CHN2: variants seen among roughly 807,000 people sequenced by gnomAD.
The protein encoded by CHN2 is chimerin 2.
Under a neutral mutation model 56.3 loss-of-function variants are expected in CHN2, and 35 were observed. The observed-to-expected ratio is 0.62, with a 90% CI of 0.47 to 0.82. The LOEUF (loss-of-function observed/expected upper bound fraction) is 0.82. Ranked by LOEUF, CHN2 falls within the 40% of genes least tolerant of loss-of-function variation. CHN2 has a pLI of 0.00. For missense variants in CHN2, 491 were observed against 580.5 expected, an observed-to-expected ratio of 0.85 and a Z score of 1.58; for synonymous variants, 210 against 212.8, an observed-to-expected ratio of 0.99 and a Z score of 0.12.
At chr7:29,300,069 C>T (rs1406457149) in intron 1 of CHN2, among the ~76,000 whole-genome samples, 3 of 152,220 alleles carry the variant, frequency 2.0e-5, no homozygotes, top group African/African-American at 7.2e-5. Context: ...ATGTTTTTCC[C>T]TTTGCAGTGG....
chr7:29,259,136 T>G (rs1789327185), intron 1 of CHN2, among the ~76,000 whole-genome samples: 1 of 151,966 alleles, frequency 6.6e-6, no homozygotes, highest in East Asian at 1.9e-4. Flanking sequence ...GAGACCAGCC[T>G]GGGTAACATG....
In CHN2 at chr7:29,512,769, C is replaced by T. The variant is rs1039717336; in HGVS notation, c.*34C>T. 1 of 1,590,446 alleles carries T rather than the reference C, an allele frequency of 6.3e-7. No individual in the cohort carries two copies. Among genetic ancestry groups the T allele is most frequent in the South Asian group, 1.1e-5 (1 of 87,944 alleles). On this transcript the variant is annotated 3_prime_UTR_variant, in exon 13 of 13. Transcript: ENST00000222792. ...GGAAATGAGCTGAATGGCCCCAGCA[C>T]CATCCAAGTTGACACAGCTAAAGGA...
At chr7:29,320,821 T>C (rs1280396098) in intron 1 of CHN2, among the ~76,000 whole-genome samples, 1 of 152,176 alleles carries the variant, frequency 6.6e-6, no homozygotes, top group Non-Finnish European at 1.5e-5. Flanking sequence ...TCCAGTCTTC[T>C]CACATGTTCT....
intron 2 of CHN2, among the ~76,000 whole-genome samples, chr7:29,363,409 C>T (rs189672260): frequency 3.3e-5 from 5 of 152,292 alleles, no homozygotes; most frequent in Admixed American, 2.0e-4. Flanking sequence ...TGCTTGAATC[C>T]AGGAGGTGGA....
chr7:29,240,871 C>T (rs1428049163), intron 1 of CHN2, among the ~76,000 whole-genome samples: 2 of 148,198 alleles, frequency 1.3e-5, no homozygotes, highest in Non-Finnish European at 3.0e-5. Flanking sequence ...CTTTCTTCTT[C>T]CTTCTTCCTT....
intron 7 of CHN2, chr7:29,483,842 A>G (rs1787639848): frequency 3.9e-6 from 5 of 1,288,124 alleles, no homozygotes; most frequent in South Asian, 1.3e-5. Context: ...TTTAGCCCGC[A>G]TAGTACTCCT....
In CHN2 at chr7:29,231,683, C is replaced by A. The variant is rs1266213884; in HGVS notation, c.49+36693C>A. ...ATTTATTTTAGCCTTTTAGATGTTT[C>A]TTTTGGGACCAAATTATAGCTCTGA... is the stretch of plus-strand genomic sequence containing the variant. On this transcript the variant is annotated intron_variant, in intron 1 of 12. Transcript: ENST00000222792. Among the ~76,000 whole-genome samples, 7 of 152,254 alleles carry A rather than the reference C, an allele frequency of 4.6e-5. No homozygotes were observed. In the East Asian group the frequency reaches 1.4e-3, roughly 29 times the overall value.
At chr7:29,327,707 C>G (rs980841558) in intron 1 of CHN2, among the ~76,000 whole-genome samples, 2 of 152,138 alleles carry the variant, frequency 1.3e-5, no homozygotes, top group African/African-American at 4.8e-5. Flanking sequence ...GGTTGTGAAG[C>G]ATCTGGAGCC....
chr7:29,391,507 G>A (rs767832422), intron 3 of CHN2, among the ~76,000 whole-genome samples: 7 of 152,134 alleles, frequency 4.6e-5, no homozygotes, highest in African/African-American at 7.2e-5. Context: ...TATTTGGGAC[G>A]TATTCCATGG....
Position 29,512,761 on chromosome 7 carries a change from C to A in CHN2, c.*26C>A, listed in dbSNP as rs756564330. ...TCCATCAGGGAAATGAGCTGAATGG[C>A]CCCAGCACCATCCAAGTTGACACAG... On this transcript the variant is annotated 3_prime_UTR_variant, in exon 13 of 13. Transcript: ENST00000222792. The A allele has an allele frequency of 9.4e-6, 15 of 1,595,278 alleles. No individual in the cohort carries two copies. Among genetic ancestry groups the A allele is most frequent in the Non-Finnish European group, 1.3e-5 (15 of 1,171,804 alleles).
chr7:29,309,847 C>G (rs1477693066), intron 1 of CHN2, among the ~76,000 whole-genome samples: 1 of 152,162 alleles, frequency 6.6e-6, no homozygotes. Flanking sequence ...GTGGAGACCT[C>G]GCGGGCTCAT....
chr7:29,394,052 C>T (rs1052207286), intron 4 of CHN2, among the ~76,000 whole-genome samples: 4 of 152,082 alleles, frequency 2.6e-5, no homozygotes, highest in Admixed American at 2.0e-4. Flanking sequence ...ACAATAGAAA[C>T]GTTTGGTGTG....
chr7:29,427,464 A>G (rs550069858), intron 6 of CHN2, among the ~76,000 whole-genome samples: 56 of 152,064 alleles, frequency 3.7e-4, no homozygotes, highest in Non-Finnish European at 7.4e-4. Context: ...GAGTAACTTT[A>G]GGTGTCAAAG....
chr7:29,194,265 GC>G, upstream of CHN2: 1 of 151,198 alleles, frequency 6.6e-6, no homozygotes, highest in Non-Finnish European at 1.5e-5. Flanking sequence ...CCCGCGCCCG[GC>G]CCCGGCCTCC....
At position 29,508,829 on chromosome 7, in the gene CHN2, C is replaced by G. The variant is rs559126774; in HGVS notation, c.1130-472C>G. On this transcript the variant is annotated intron_variant, in intron 11 of 12. Transcript: ENST00000222792. ...CATGAGTGCAGGCTGAGTTGGGTGG[C>G]TCATTGCCAATGTCCTTGCCTTGTA... Among the ~76,000 whole-genome samples, 5 of 152,280 alleles carry G rather than the reference C, an allele frequency of 3.3e-5. 1 individual carries two copies. The South Asian group carries it at 1.0e-3, about 32-fold the overall frequency.
chr7:29,437,374 G>A lies in CHN2; in HGVS notation c.576+36546G>A, dbSNP rs1434470878. Among the ~76,000 whole-genome samples, 20 of 136,632 alleles carry A rather than the reference G, an allele frequency of 1.5e-4. 3 individuals are homozygous for A. The highest frequency in any genetic ancestry group is 1.6e-4 in the Non-Finnish European group (10 of 64,294). 89.6% of individuals were successfully genotyped at this position (136,632 alleles called of 152,430 possible). On this transcript the variant is annotated intron_variant, in intron 6 of 12. Transcript: ENST00000222792. Reference sequence around the variant, plus strand: ...AGCACTTTGGGAGGCCGAGGCGGGCGGATCACGAGGTCAGGAGATCGAGAC... The same window carrying A: ...AGCACTTTGGGAGGCCGAGGCGGGCAGATCACGAGGTCAGGAGATCGAGAC...
chr7:29,398,078 T>G (rs1801906596), intron 4 of CHN2: 9 of 221,130 alleles, frequency 4.1e-5, no homozygotes, highest in African/African-American at 4.6e-5. Context: ...GGGGCGGTGG[T>G]TGAGTAACCT....
intron 6 of CHN2, among the ~76,000 whole-genome samples, chr7:29,417,134 G>A (rs532719610): frequency 6.6e-6 from 1 of 152,152 alleles, no homozygotes; most frequent in South Asian, 2.1e-4. Flanking sequence ...CCAGCTGCTC[G>A]CAGTCCTGAG....
chr7:29,511,162 A>AAACAGTAGGTATTGAGATTTTTATT (rs1791315307), intron 12 of CHN2, among the ~76,000 whole-genome samples: 2 of 149,236 alleles, frequency 1.3e-5, no homozygotes, highest in Non-Finnish European at 1.5e-5. Context: ...GGAGGACTGT[A>AAACAGTAGGTATTGAGATTTTTATT]TAAACAGTAG....
Sources: gnomAD v4.1 joint callset for allele counts (sites outside exome capture counted in the v4.1 genomes callset) on GRCh38, gnomAD v4.1.1 for gene constraint, MANE v1.5 for transcripts, NCBI Gene and HGNC (gene_info 2026-07-23, HGNC 2026-07-21) for gene names.